Variants in PTPN13 observed in about 807,000 individuals in gnomAD.
PTPN13 encodes the protein protein tyrosine phosphatase non-receptor type 13.
Under a neutral mutation model 284.0 loss-of-function variants are expected in PTPN13, and 191 were observed. The observed-to-expected ratio is 0.67, with a 90% CI of 0.60 to 0.76. PTPN13 has a LOEUF of 0.76. Ranked by LOEUF, PTPN13 falls within the 30% of genes least tolerant of loss-of-function variation. The pLI is 0.00. For missense variants in PTPN13, 2,797 were observed against 2,939.9 expected (o/e 0.95, Z 1.12); for synonymous variants, 986 against 1,022.3 (o/e 0.96, Z 0.68).
At chr4:86,601,217 C>A (rs1333867214) in intron 1 of PTPN13, among the ~76,000 whole-genome samples, 2 of 152,008 alleles carry the variant, frequency 1.3e-5, no homozygotes, top group Non-Finnish European at 2.9e-5. Flanking sequence ...AATAAAAAAT[C>A]ACTATGATAA....
intron 9 of PTPN13, among the ~76,000 whole-genome samples, chr4:86,719,653 TA>T (rs1733424374): frequency 6.6e-6 from 1 of 152,312 alleles, no homozygotes; most frequent in South Asian, 2.1e-4. Flanking sequence ...TTTTACTTTT[TA>T]ATAATAGCCA....
chr4:86,634,283 T>C (rs531954674), intron 1 of PTPN13, among the ~76,000 whole-genome samples: 1 of 152,284 alleles, frequency 6.6e-6, no homozygotes, highest in East Asian at 1.9e-4. Context: ...TAAATTGGTT[T>C]TGTCTGGGTA....
chr4:86,693,900 C>T (rs1286061000), intron 6 of PTPN13, among the ~76,000 whole-genome samples: 1 of 152,000 alleles, frequency 6.6e-6, no homozygotes, highest in African/African-American at 2.4e-5. Flanking sequence ...CCCAGAGTAA[C>T]TTATTTCCCT....
chr4:86,692,938 G>T (rs1730180476), intron 5 of PTPN13, among the ~76,000 whole-genome samples: 1 of 151,924 alleles, frequency 6.6e-6, no homozygotes, highest in Non-Finnish European at 1.5e-5. Flanking sequence ...AAATTAGCTG[G>T]TGTGGTGGTA....
intron 45 of PTPN13, 62 bp downstream of exon 45, chr4:86,807,959 A>T (rs908193778): frequency 1.4e-6 from 2 of 1,396,726 alleles, no homozygotes; most frequent in East Asian, 2.3e-5. Flanking sequence ...CCAAGCCTGG[A>T]CTCTTTCCGT....
intron 1 of PTPN13, among the ~76,000 whole-genome samples, chr4:86,595,058 C>G (rs1431435602): frequency 6.6e-6 from 1 of 152,020 alleles, no homozygotes; most frequent in African/African-American, 2.4e-5. Flanking sequence ...GGAAGAAAGC[C>G]GGATTCTCGG....
At chr4:86,788,763 G>A (rs1329766579) in intron 40 of PTPN13, among the ~76,000 whole-genome samples, 1 of 152,182 alleles carries the variant, frequency 6.6e-6, no homozygotes, top group Admixed American at 6.5e-5. Flanking sequence ...GTAAGAAGAG[G>A]TGTTAGGGTT....
rs1396578800 is a variant in PTPN13 at position 86,780,607 on chromosome 4, G to A, written c.5962+135G>A. The A allele has an allele frequency of 8.0e-5, 54 of 671,462 alleles. No individual in the cohort carries two copies. The East Asian group carries it at 1.3e-3, about 16-fold the overall frequency. 41.6% of individuals were successfully genotyped at this position (671,462 alleles called of 1,614,324 possible). A position where few individuals can be genotyped will look rare whatever the true frequency, so the allele number is the denominator to read the frequency against. ...TAAAATATAATCCAGCTTTTTCACT[G>A]CCAGCTGTTCACTTGAAGAAAGTAA... On this transcript the variant is annotated intron_variant, in intron 36 of 47. Coordinates refer to ENST00000411767, the MANE Select transcript of PTPN13 (RefSeq NM_080683.3).
chr4:86,810,007 G>C, intron 46 of PTPN13, 23 bp downstream of exon 46: 1 of 1,582,262 alleles, frequency 6.3e-7, no homozygotes, highest in Non-Finnish European at 8.7e-7. Flanking sequence ...TATTGGCTGA[G>C]TAAGCATTTG....
chr4:86,658,887 C>G (rs893748941), intron 2 of PTPN13, among the ~76,000 whole-genome samples: 10 of 152,068 alleles, frequency 6.6e-5, no homozygotes, highest in Admixed American at 1.3e-4. Flanking sequence ...GTTTTTAAAG[C>G]AGTCAGAGAG....
At chr4:86,718,455 C>CTTT (rs796389778) in intron 9 of PTPN13, among the ~76,000 whole-genome samples, 1 of 140,164 alleles carries the variant, frequency 7.1e-6, no homozygotes. Context: ...TAATGGTCCA[C>CTTT]TTTTTTTTTT....
At chr4:86,746,468 A>C (rs1316165802) in intron 17 of PTPN13, among the ~76,000 whole-genome samples, 1 of 152,084 alleles carries the variant, frequency 6.6e-6, no homozygotes, top group Non-Finnish European at 1.5e-5. Flanking sequence ...GCAACCTATG[A>C]CTAGATGTTT....
Position 86,772,930 on chromosome 4 carries a change from T to A in PTPN13, c.5321T>A (p.Leu1774Ter), listed in dbSNP as rs1273548736. The A allele has an allele frequency of 6.2e-7, 1 of 1,605,896 alleles. No individual in the cohort carries two copies. Among genetic ancestry groups the A allele is most frequent in the Non-Finnish European group, 8.5e-7 (1 of 1,176,404 alleles). The change falls in exon 32 of 48, where the codon TTG becomes TAG. Residue 1774 changes from leucine (L) to a stop codon, truncating the protein, a stop_gained. Coordinates refer to ENST00000411767, the MANE Select transcript of PTPN13 (RefSeq NM_080683.3). LOFTEE classifies it high-confidence loss of function. ...QENWTPLKNDLENHLEDFELE... is the reference protein window; with the variant it reads ...QENWTPLKND ...AACTGGACACCTTTGAAAAATGACT[T>A]GGAAAATCACCTTGAAGACTTTGAA...
At chr4:86,688,840 A>G (rs1237144162) in intron 4 of PTPN13, among the ~76,000 whole-genome samples, 165 bp from the exon 5 acceptor site, 1 of 152,214 alleles carries the variant, frequency 6.6e-6, no homozygotes, top group Non-Finnish European at 1.5e-5. Context: ...TTTTTAAAAA[A>G]GGTAAAACAC....
At chr4:86,674,252 G>C (rs1287711444) in intron 3 of PTPN13, among the ~76,000 whole-genome samples, 2 of 152,014 alleles carry the variant, frequency 1.3e-5, no homozygotes, top group African/African-American at 2.4e-5. Flanking sequence ...AGCACTGTGG[G>C]GTACTCCAGA....
intron 2 of PTPN13, among the ~76,000 whole-genome samples, chr4:86,660,550 A>G (rs746754359): frequency 1.3e-5 from 2 of 152,118 alleles, no homozygotes; most frequent in South Asian, 2.1e-4. Flanking sequence ...TATAGCCATA[A>G]TTTTGTTGAT....
intron 9 of PTPN13, among the ~76,000 whole-genome samples, chr4:86,721,863 G>A (rs1350028733): frequency 1.3e-5 from 2 of 151,372 alleles, no homozygotes; most frequent in Admixed American, 6.6e-5. Flanking sequence ...CTACACCTCA[G>A]CCTCCTGAGT....
intron 37 of PTPN13, among the ~76,000 whole-genome samples, chr4:86,783,431 T>C (rs1239978267): frequency 6.6e-6 from 1 of 152,118 alleles, no homozygotes. Context: ...AGTATGTTGT[T>C]GAAAGAAAGA....
chr4:86,603,365 T>G (rs1368809756), intron 1 of PTPN13, among the ~76,000 whole-genome samples: 1 of 152,180 alleles, frequency 6.6e-6, no homozygotes, highest in Non-Finnish European at 1.5e-5. Context: ...ATGTTCACAG[T>G]CTCACACAGA....
Sources: gnomAD v4.1 joint callset for allele counts (sites outside exome capture counted in the v4.1 genomes callset) on GRCh38, gnomAD v4.1.1 for gene constraint, MANE v1.5 for transcripts, NCBI Gene and HGNC (gene_info 2026-07-23, HGNC 2026-07-21) for gene names.